CCAR1: variants seen among roughly 807,000 people sequenced by gnomAD.
The protein encoded by CCAR1 is cell division cycle and apoptosis regulator 1, also known as cell division cycle and apoptosis regulator protein 1.
A neutral mutation model predicts 163.8 loss-of-function variants in CCAR1; 78 were observed. That is an observed-to-expected ratio of 0.48 (90% CI 0.40 to 0.57). The LOEUF (loss-of-function observed/expected upper bound fraction) is 0.57, where lower values mean the gene tolerates loss of function less well. CCAR1 is among the 20% of genes least tolerant of loss of function. CCAR1 has a pLI of 0.00. For missense variants in CCAR1, 1,019 were observed against 1,365.2 expected, an observed-to-expected ratio of 0.75 and a Z score of 4.00; for synonymous variants, 443 against 460.7, an observed-to-expected ratio of 0.96 and a Z score of 0.49.
intron 8 of CCAR1, 134 bp downstream of exon 8, chr10:68,747,700 C>T: frequency 3.0e-6 from 2 of 662,912 alleles, no homozygotes; most frequent in Admixed American, 6.0e-5. Context: ...GACACATCTA[C>T]TTCCATAGCT....
At chr10:68,745,110 A>G (rs939133948) in intron 6 of CCAR1, among the ~76,000 whole-genome samples, 3 of 151,954 alleles carry the variant, frequency 2.0e-5, no homozygotes, top group Admixed American at 2.0e-4. Context: ...GTTTCAAGTG[A>G]TTCTCCTGCC....
intron 19 of CCAR1, chr10:68,774,922 T>C: frequency 2.6e-6 from 1 of 384,978 alleles, no homozygotes; most frequent in South Asian, 1.9e-5. Context: ...TAGAAAATTA[T>C]AAGAGTTCTT....
chr10:68,788,102 G>A lies in CCAR1; in HGVS notation c.3002-41G>A. On this transcript the variant is annotated intron_variant, in intron 22 of 24. Coordinates refer to ENST00000265872, the MANE Select transcript of CCAR1 (RefSeq NM_018237.4). Reference sequence around the variant, plus strand: ...AATAAATATACTAGTAATTAAAGAAGAAAAATAACTTACTAAAATATGGTA... The same window carrying A: ...AATAAATATACTAGTAATTAAAGAAAAAAAATAACTTACTAAAATATGGTA... 5 of 1,521,382 alleles carry A rather than the reference G, an allele frequency of 3.3e-6. No homozygotes were observed. In the African/African-American group the frequency reaches 5.7e-5, roughly 17 times the overall value. 94.2% of individuals were successfully genotyped at this position (1,521,382 alleles called of 1,614,324 possible).
At chr10:68,786,043 C>T in intron 19 of CCAR1, 93 bp from the exon 20 acceptor site, 1 of 807,284 alleles carries the variant, frequency 1.2e-6, no homozygotes, top group Non-Finnish European at 2.1e-6. Context: ...CCTGGCCCTC[C>T]TGAGTAGCTG....
rs2056196534 is a variant in CCAR1, at chr10:68,742,565, C to T, written c.514C>T (p.Leu172Phe). ...TGTGGATGAAGATGTATTCTTTCAG[C>T]TTAGGTAAACTTAATGAGGTCTTGT... The part of the protein sequence containing the change: ...GFVDEDVFFQ[L>F]SAVKGKTPQV... Residue 172 changes from leucine (L) to phenylalanine (F), a missense_variant, in exon 6 of 25, where the codon CTT becomes TTT. By Grantham distance (22) the Leu-to-Phe change is conservative. Transcript: ENST00000265872. 6.2e-7 allele frequency: 1 copy of T among 1,609,878 alleles called. No homozygotes were observed. The highest frequency in any genetic ancestry group is 8.5e-7 in the Non-Finnish European group (1 of 1,176,552).
intron 20 of CCAR1, 139 bp downstream of exon 20, chr10:68,786,357 A>G (rs1463117536): frequency 6.7e-6 from 5 of 751,570 alleles, no homozygotes; most frequent in South Asian, 1.9e-5. Flanking sequence ...TTTTGTGGCT[A>G]TGTCAGATAA....
chr10:68,733,139 G>A (rs968278308), intron 2 of CCAR1, among the ~76,000 whole-genome samples: 1 of 152,188 alleles, frequency 6.6e-6, no homozygotes, highest in Non-Finnish European at 1.5e-5. Context: ...GCCAGGCACA[G>A]TGGCTCATAC....
intron 5 of CCAR1, among the ~76,000 whole-genome samples, chr10:68,741,059 G>A (rs2056177002): frequency 6.6e-6 from 1 of 151,662 alleles, no homozygotes; most frequent in Admixed American, 6.6e-5. Flanking sequence ...GATTACAGGC[G>A]CCTGCCACCA....
chr10:68,745,873 A>T (rs1243757755), intron 6 of CCAR1, among the ~76,000 whole-genome samples: 2 of 152,072 alleles, frequency 1.3e-5, no homozygotes, highest in Non-Finnish European at 2.9e-5. Flanking sequence ...TCTTGAACTG[A>T]CTGCAAGTGA....
chr10:68,751,546 C>G (rs557484620), intron 10 of CCAR1, among the ~76,000 whole-genome samples: 18 of 152,124 alleles, frequency 1.2e-4, no homozygotes, highest in East Asian at 3.9e-4. Context: ...TGAAATTGAA[C>G]AGCTATTTAG....
intron 8 of CCAR1, 28 bp downstream of exon 8, chr10:68,747,594 G>A (rs779408655): frequency 1.3e-6 from 2 of 1,585,798 alleles, no homozygotes; most frequent in South Asian, 1.1e-5. Context: ...TCAGGCAAAT[G>A]TATAACTTTT....
At chr10:68,791,123 C>A in intron 24 of CCAR1, 84 bp from the exon 25 acceptor site, 1 of 702,070 alleles carries the variant, frequency 1.4e-6, no homozygotes, top group Non-Finnish European at 2.3e-6. Flanking sequence ...GTATACCAAA[C>A]TGAATACCAT....
rs61734872 is a variant in CCAR1 at position 68,761,150 on chromosome 10, A to G, written c.2064A>G (p.Glu688=). The change falls in exon 16 of 25, where the codon GAA becomes GAG. Residue 688 remains glutamate, a synonymous_variant. Coordinates refer to ENST00000265872, the MANE Select transcript of CCAR1 (RefSeq NM_018237.4). ...EQKELEKSEK[E]EDEDDDRKSE... is the part of the protein sequence containing the mutation. ...AGGAGTTAGAGAAATCTGAAAAAGA[A>G]GAGGATGAGGATGATGATAGGAAAT... The G allele has an allele frequency of 3.2e-3, 5,208 of 1,609,708 alleles. 11 individuals carry two copies. The highest frequency in any genetic ancestry group is 3.9e-3 in the Non-Finnish European group (4,604 of 1,178,454).
Position 68,772,999 on chromosome 10 carries a change from A to G in CCAR1, c.2550A>G (p.Lys850=). 7.1e-7 allele frequency: 1 copy of G among 1,412,766 alleles called. No homozygotes were observed. The highest frequency in any genetic ancestry group is 2.3e-5 in the East Asian group (1 of 42,628). The allele number at this position is 1,412,766 out of a possible 1,614,324, so 87.5% of individuals were successfully genotyped here. Residue 850 remains lysine (K), a synonymous_variant, in exon 19 of 25, where the codon AAA becomes AAG. Coordinates refer to ENST00000265872, the MANE Select transcript of CCAR1 (RefSeq NM_018237.4). ...EDRDERKKED[K]RKDDSKDDDE... ...ATTTTAAATTATAGAAAGAAGATAA[A>G]AGAAAAGATGATTCTAAAGATGATG...
intron 14 of CCAR1, 35 bp from the exon 15 acceptor site, chr10:68,757,259 A>G (rs975442658): frequency 9.7e-7 from 1 of 1,034,404 alleles, no homozygotes; most frequent in Admixed American, 2.0e-5. Context: ...TTAAGGTTTC[A>G]TAATAGTAAT....
Position 68,789,907 on chromosome 10 carries a change from C to T in CCAR1, c.3385C>T (p.Leu1129Phe). The T allele has an allele frequency of 2.6e-6, 4 of 1,549,376 alleles. No individual in the cohort carries two copies. Among genetic ancestry groups the T allele is most frequent in the Non-Finnish European group, 3.5e-6 (4 of 1,151,276 alleles). The change falls in exon 24 of 25, where the codon CTC (leucine) becomes TTC (phenylalanine). Residue 1129 changes from leucine to phenylalanine, a missense_variant. Physicochemically the swap from Leu to Phe is conservative, Grantham distance 22 (BLOSUM62 0). Coordinates refer to ENST00000265872, the MANE Select transcript of CCAR1 (RefSeq NM_018237.4). ...GGTAATGGATGAAATCCACACTGTT[C>T]TCAAGAAGGTGAGAAATTTTGTACT... The part of the protein sequence containing the change: ...STVMDEIHTV[L>F]KKDNVKNEDK...
At chr10:68,757,449 C>G (rs911611198) in intron 15 of CCAR1, 72 bp downstream of exon 15, 3 of 828,024 alleles carry the variant, frequency 3.6e-6, no homozygotes, top group Non-Finnish European at 6.1e-6. Flanking sequence ...GAGTCTCGCT[C>G]TGTCGCCCAG....
At chr10:68,732,713 A>G (rs920887760) in intron 2 of CCAR1, among the ~76,000 whole-genome samples, 7 of 152,114 alleles carry the variant, frequency 4.6e-5, no homozygotes, top group African/African-American at 1.4e-4. Context: ...GATGACAGCT[A>G]TGGATTTATC....
chr10:68,721,515 C>T (rs768282082), intron 1 of CCAR1: 1 of 443,178 alleles, frequency 2.3e-6, no homozygotes, highest in African/African-American at 2.1e-5. Flanking sequence ...CTCAGGTGCC[C>T]CCAGCGCCCC....
Sources: allele counts gnomAD v4.1 joint callset (sites outside exome capture counted in the v4.1 genomes callset), GRCh38; gene constraint gnomAD v4.1.1; transcripts MANE v1.5; gene names NCBI Gene and HGNC (gene_info 2026-07-23, HGNC 2026-07-21).